Variants in TNNI3 observed in about 807,000 individuals in gnomAD.
The protein encoded by TNNI3 is troponin I, cardiac muscle.
A neutral mutation model predicts 31.5 loss-of-function variants in TNNI3; 23 were observed. The ratio of observed to expected loss-of-function variants is 0.73; its 90% CI spans 0.52 to 1.03. The LOEUF (loss-of-function observed/expected upper bound fraction) is 1.03, where lower values mean the gene tolerates loss of function less well. Ranked by LOEUF, TNNI3 falls within the 50% of genes least tolerant of loss-of-function variation. TNNI3 has a pLI of 0.00. For synonymous variants in TNNI3, 120 were observed against 111.7 expected (o/e 1.07, Z -0.47); for missense variants, 236 against 282.9 (o/e 0.83, Z 1.19).
In TNNI3 at chr19:55,157,411, T is replaced by C. The variant is rs1275192364; in HGVS notation, c.12-103A>G. The C allele has an allele frequency of 1.3e-6, 2 of 1,598,794 alleles. No individual in the cohort carries two copies. Among genetic ancestry groups the C allele is most frequent in the Non-Finnish European group, 1.7e-6 (2 of 1,168,322 alleles). On this transcript the variant is annotated intron_variant, in intron 1 of 7. Coordinates refer to ENST00000344887, the MANE Select transcript of TNNI3 (RefSeq NM_000363.5). This position sits in a 1 kb window ranked among gnomAD's most constrained non-coding sequence, Gnocchi z 6.3. ...TGAACAAGAGGTCGGGGGACCGCGC[T>C]TCCCCTTCCTTGGGTTCCAGGAGTC... is the stretch of plus-strand genomic sequence containing the variant.
chr19:55,154,702 C>G, intron 6 of TNNI3, 39 bp downstream of exon 6: 1 of 1,588,824 alleles, frequency 6.3e-7, no homozygotes, highest in Non-Finnish European at 8.6e-7. Flanking sequence ...AGCCATCTCA[C>G]CCTACCCCGA....
At chr19:55,153,767 T>G (rs1376504665) in intron 7 of TNNI3, among the ~76,000 whole-genome samples, 3 of 152,292 alleles carry the variant, frequency 2.0e-5, no homozygotes, top group African/African-American at 7.2e-5. Context: ...AAAAAAATTT[T>G]TTTTAAACCT....
intron 6 of TNNI3, 100 bp from the exon 7 acceptor site, chr19:55,154,306 A>G: frequency 7.7e-7 from 1 of 1,301,134 alleles, no homozygotes. Context: ...CTCGTCTTCC[A>G]GTACCGAGGC....
chr19:55,154,913 C>A, intron 5 of TNNI3, 83 bp from the exon 6 acceptor site: 1 of 1,082,466 alleles, frequency 9.2e-7, no homozygotes, highest in Non-Finnish European at 1.3e-6. Context: ...AGAAGGGGCT[C>A]GGGGCCTGGA....
chr19:55,157,429 C>T lies in TNNI3; in HGVS notation c.12-121G>A. The T allele has an allele frequency of 1.3e-6, 2 of 1,588,638 alleles. No homozygotes were observed. Among genetic ancestry groups the T allele is most frequent in the Admixed American group, 3.4e-5 (2 of 59,270 alleles). ...ACCGCGCTTCCCCTTCCTTGGGTTC[C>T]AGGAGTCTGACTCGCAAACCCACTT... is the stretch of plus-strand genomic sequence containing the variant. On this transcript the variant is annotated intron_variant, in intron 1 of 7. Transcript: ENST00000344887. This position sits in a 1 kb window ranked among gnomAD's most constrained non-coding sequence, Gnocchi z 6.3.
At position 55,154,222 on chromosome 19, in the gene TNNI3, G is replaced by A. The variant is rs373508654; in HGVS notation, c.373-16C>T. On this transcript the variant is annotated splice_polypyrimidine_tract_variant and intron_variant, in intron 6 of 7. Transcript: ENST00000344887. Reference sequence around the variant, plus strand: ...GATCTGCAATCTGGGGGCACACGAGGGGGTGGGTACTTCTCCTTCCATTTC... The same window carrying A: ...GATCTGCAATCTGGGGGCACACGAGAGGGTGGGTACTTCTCCTTCCATTTC... The A allele has an allele frequency of 2.7e-5, 43 of 1,609,412 alleles. No individual in the cohort carries two copies. In the African/African-American group the frequency reaches 4.9e-4, roughly 19 times the overall value.
At position 55,156,882 on chromosome 19, in the gene TNNI3, G is replaced by T; in HGVS notation, c.108+168C>A. 4 of 917,970 alleles carry T rather than the reference G, an allele frequency of 4.4e-6. No individual in the cohort carries two copies. The highest frequency in any genetic ancestry group is 6.8e-6 in the Non-Finnish European group (4 of 587,388). The allele number at this position is 917,970 out of a possible 1,614,324, so 56.9% of individuals were successfully genotyped here. On this transcript the variant is annotated intron_variant, in intron 3 of 7. Coordinates refer to ENST00000344887, the MANE Select transcript of TNNI3 (RefSeq NM_000363.5). The surrounding 1 kb of genome is among the most constrained non-coding windows in gnomAD (Gnocchi z 4.6). ...GCAAGTCCGAGGGCAACGGAGTTCC[G>T]CCCGCAGGCTGCTGTCACCAATCCG...
rs540967166 is a variant in TNNI3 at position 55,154,629 on chromosome 19, C to G, written c.372+112G>C. On this transcript the variant is annotated intron_variant, in intron 6 of 7. Coordinates refer to ENST00000344887, the MANE Select transcript of TNNI3 (RefSeq NM_000363.5). The stretch of plus-strand genomic sequence containing the variant: ...CCAGCCCTGCCAGGCTCACAGTTGT[C>G]CTGGGTCTCCTGGGATGTGCAGCCA... The G allele has an allele frequency of 4.4e-5, 40 of 904,078 alleles. 1 individual carries two copies. The East Asian group carries it at 1.0e-3, about 23-fold the overall frequency. 56.0% of individuals were successfully genotyped at this position (904,078 alleles called of 1,614,324 possible).
At position 55,156,578 on chromosome 19, in the gene TNNI3, C is replaced by T. The variant is rs1437130946; in HGVS notation, c.150+25G>A. ...TCCGCCCCCTGAGCACCTGCCTGCT[C>T]TTTCCCAGTCCCGCCCGTCCTCACC... On this transcript the variant is annotated intron_variant, in intron 4 of 7. Transcript: ENST00000344887. The surrounding 1 kb of genome is among the most constrained non-coding windows in gnomAD (Gnocchi z 4.6). 4.5e-6 allele frequency: 7 copies of T among 1,557,798 alleles called. No homozygotes were observed. In the East Asian group the frequency reaches 1.4e-4, roughly 32 times the overall value.
At position 55,152,307 on chromosome 19, in the gene TNNI3, TCTC is replaced by T; in HGVS notation, c.550-393_550-391del. ...CTTATGCCCTTCCTGTCTCCTTCCT[TCTC>T]TTCTTATTATAGTAGTCCCTCCTTT... On this transcript the variant is annotated intron_variant, in intron 7 of 7. Transcript: ENST00000344887. This position sits in a 1 kb window ranked among gnomAD's most constrained non-coding sequence, Gnocchi z 4.0. 6.6e-6 allele frequency among the ~76,000 whole-genome samples: 1 copy of T among 152,168 alleles called. No homozygotes were observed. The highest frequency in any genetic ancestry group is 1.9e-4 in the East Asian group (1 of 5,196).
rs1555864037 is a variant in TNNI3, at chr19:55,156,278, G to T, written c.205C>A (p.Arg69Ser). 6.2e-7 allele frequency: 1 copy of T among 1,610,952 alleles called. No homozygotes were observed. The highest frequency in any genetic ancestry group is 2.2e-5 in the East Asian group (1 of 44,828). The part of the protein sequence containing the change: ...QELEREAEER[R>S]GEKGRALSTR... ...CTCAGAGCGCGCCCCTTCTCTCCGC[G>T]CCGCTCCTCCGCCTCTCGCTCCAGC... is the stretch of plus-strand genomic sequence containing the variant. Residue 69 changes from arginine (R) to serine (S), a missense_variant, in exon 5 of 8, where the codon CGC (arginine) becomes AGC (serine). Coordinates refer to ENST00000344887, the MANE Select transcript of TNNI3 (RefSeq NM_000363.5). The surrounding 1 kb of genome is among the most constrained non-coding windows in gnomAD (Gnocchi z 4.6).
Position 55,156,739 on chromosome 19 carries a change from G to T in TNNI3, c.109-95C>A. On this transcript the variant is annotated intron_variant, in intron 3 of 7. Coordinates refer to ENST00000344887, the MANE Select transcript of TNNI3 (RefSeq NM_000363.5). This position sits in a 1 kb window ranked among gnomAD's most constrained non-coding sequence, Gnocchi z 4.6. ...AAGACACCCCCAGCAAACCCAGCCG[G>T]TCCAGATTTGGGCCCACGTCCAACT... 7.1e-7 allele frequency: 1 copy of T among 1,403,520 alleles called. No individual in the cohort carries two copies. 86.9% of individuals were successfully genotyped at this position (1,403,520 alleles called of 1,614,324 possible). A position where few individuals can be genotyped will look rare whatever the true frequency, so the allele number is the denominator to read the frequency against.
rs761630304 is a variant in TNNI3 at position 55,157,003 on chromosome 19, G to C, written c.108+47C>G. 2 of 1,541,934 alleles carry C rather than the reference G, an allele frequency of 1.3e-6. No individual in the cohort carries two copies. The highest frequency in any genetic ancestry group is 1.7e-6 in the Non-Finnish European group (2 of 1,144,186). The stretch of plus-strand genomic sequence containing the variant: ...CTCCTCCCCCCACTCCCAGGGTCTT[G>C]GATCCCTCCGGCGCCTGTACTCTGC... On this transcript the variant is annotated intron_variant, in intron 3 of 7. Transcript: ENST00000344887. This position sits in a 1 kb window ranked among gnomAD's most constrained non-coding sequence, Gnocchi z 6.3.
intron 5 of TNNI3, among the ~76,000 whole-genome samples, chr19:55,155,847 G>A (rs2085725656): frequency 7.6e-6 from 1 of 131,942 alleles, no homozygotes; most frequent in Non-Finnish European, 1.6e-5. Flanking sequence ...AGGGTCTGAG[G>A]GAGGAGGGGC....
intron 7 of TNNI3, among the ~76,000 whole-genome samples, 194 bp downstream of exon 7, chr19:55,153,836 A>G (rs1018287911): frequency 1.5e-4 from 23 of 152,322 alleles, no homozygotes; most frequent in African/African-American, 5.5e-4. Flanking sequence ...TTGCTCTTAC[A>G]TGGACTTCCT....
intron 7 of TNNI3, among the ~76,000 whole-genome samples, chr19:55,153,282 T>C (rs1220287629): frequency 6.6e-6 from 1 of 152,170 alleles, no homozygotes; most frequent in Non-Finnish European, 1.5e-5. Flanking sequence ...AATTTAGAAA[T>C]GAAACTTTAT....
At position 55,156,161 on chromosome 19, in the gene TNNI3, A is replaced by G. The variant is rs1184446476; in HGVS notation, c.282+40T>C. On this transcript the variant is annotated intron_variant, in intron 5 of 7. Coordinates refer to ENST00000344887, the MANE Select transcript of TNNI3 (RefSeq NM_000363.5). The surrounding 1 kb of genome is among the most constrained non-coding windows in gnomAD (Gnocchi z 4.6). Reference sequence around the variant, plus strand: ...GAGGGGATAGAGGCTGTACTGCTGAATTCCGGGACTAGAAACCTCGCATCC... The same window carrying G: ...GAGGGGATAGAGGCTGTACTGCTGAGTTCCGGGACTAGAAACCTCGCATCC... 6.2e-7 allele frequency: 1 copy of G among 1,612,502 alleles called. No homozygotes were observed. Among genetic ancestry groups the G allele is most frequent in the Non-Finnish European group, 8.5e-7 (1 of 1,179,724 alleles).
Position 55,151,799 on chromosome 19 carries a change from G to T in TNNI3, c.*35C>A. ...TCAGAGAGAAGCTTTATTCCTCAGG[G>T]CCCTCCTCAGGGCAGGGGCAGTAGG... On this transcript the variant is annotated 3_prime_UTR_variant, in exon 8 of 8. Transcript: ENST00000344887. 1.3e-6 allele frequency: 2 copies of T among 1,593,516 alleles called. No individual in the cohort carries two copies. Among genetic ancestry groups the T allele is most frequent in the Non-Finnish European group, 1.7e-6 (2 of 1,161,422 alleles).
Position 55,157,395 on chromosome 19 carries a change from G to T in TNNI3, c.12-87C>A. On this transcript the variant is annotated intron_variant, in intron 1 of 7. Coordinates refer to ENST00000344887, the MANE Select transcript of TNNI3 (RefSeq NM_000363.5). This position sits in a 1 kb window ranked among gnomAD's most constrained non-coding sequence, Gnocchi z 6.3. ...CCCCTGGAGTCCCCTCTGAACAAGAGGTCGGGGGACCGCGCTTCCCCTTCC... is the reference window on the plus strand; with the variant it reads ...CCCCTGGAGTCCCCTCTGAACAAGATGTCGGGGGACCGCGCTTCCCCTTCC... 1.2e-6 allele frequency: 2 copies of T among 1,606,284 alleles called. No individual in the cohort carries two copies. The highest frequency in any genetic ancestry group is 2.2e-5 in the South Asian group (2 of 90,788).
Sources: allele counts gnomAD v4.1 joint callset (sites outside exome capture counted in the v4.1 genomes callset), GRCh38; gene constraint gnomAD v4.1.1; non-coding constraint Gnocchi (gnomAD v3.1); transcripts MANE v1.5; gene names NCBI Gene and HGNC (gene_info 2026-07-23, HGNC 2026-07-21).